OPCML: variants seen among roughly 807,000 people sequenced by gnomAD.
OPCML encodes opioid binding protein/cell adhesion molecule like.
OPCML carries 13 observed loss-of-function variants against 37.8 expected under a neutral mutation model. The observed-to-expected ratio is 0.34, with a 90% CI of 0.22 to 0.55. OPCML has a LOEUF of 0.55. Ranked by LOEUF, OPCML falls within the 20% of genes least tolerant of loss-of-function variation. The probability of loss-of-function intolerance (pLI) is 0.91; values close to 1 mark genes in which losing one functional copy is unlikely to be tolerated. For missense variants in OPCML, 341 were observed against 435.6 expected (o/e 0.78, Z 1.93); for synonymous variants, 176 against 168.8 (o/e 1.04, Z -0.33).
rs79240795 is a variant in OPCML, at chr11:132,632,617, C to T, written c.379+24470G>A. On this transcript the variant is annotated intron_variant, in intron 3 of 7. Transcript: ENST00000524381. ...CAGAGGAGTCGCTTCCTGAGTGGTT[C>T]CATGATAGCCAGCCCGGTATATCTA... is the stretch of plus-strand genomic sequence containing the variant. Among the ~76,000 whole-genome samples, 902 of 152,180 alleles carry T rather than the reference C, an allele frequency of 5.9e-3. 10 individuals carry two copies. The highest frequency in any genetic ancestry group is 0.02 in the African/African-American group (813 of 41,508).
intron 2 of OPCML, among the ~76,000 whole-genome samples, chr11:132,666,471 C>A (rs1363714243): frequency 6.6e-6 from 1 of 152,198 alleles, no homozygotes; most frequent in African/African-American, 2.4e-5. Context: ...CCAAGCCCCA[C>A]TCCAATCTTG....
chr11:133,156,305 C>A (rs1029071411), intron 1 of OPCML, among the ~76,000 whole-genome samples: 2 of 152,210 alleles, frequency 1.3e-5, no homozygotes, highest in Admixed American at 6.5e-5. Flanking sequence ...AAGATCCTAG[C>A]AGCCACCTGG....
chr11:133,242,309 G>C (rs1159162332), intron 1 of OPCML, among the ~76,000 whole-genome samples: 1 of 152,218 alleles, frequency 6.6e-6, no homozygotes, highest in Admixed American at 6.5e-5. Context: ...CGAGTTAAGT[G>C]TCTTTGGTGT....
At chr11:132,984,906 C>G (rs1565382160) in intron 1 of OPCML, among the ~76,000 whole-genome samples, 6 of 152,166 alleles carry the variant, frequency 3.9e-5, no homozygotes, top group Admixed American at 2.6e-4. Context: ...CCATGATTAA[C>G]AAATTCGCTC....
chr11:132,810,746 G>T (rs963399127), intron 2 of OPCML: 1 of 152,086 alleles, frequency 6.6e-6, no homozygotes, highest in African/African-American at 2.4e-5. Flanking sequence ...GAACTTAACG[G>T]CTGTACCTTC....
At chr11:132,554,557 C>T (rs1274088168) in intron 3 of OPCML, among the ~76,000 whole-genome samples, 6 of 152,188 alleles carry the variant, frequency 3.9e-5, no homozygotes, top group Non-Finnish European at 7.3e-5. Flanking sequence ...CCTGGATGAG[C>T]TTTGCTGAGG....
At chr11:132,687,101 C>T (rs1384834685) in intron 2 of OPCML, among the ~76,000 whole-genome samples, 1 of 151,854 alleles carries the variant, frequency 6.6e-6, no homozygotes, top group African/African-American at 2.4e-5. Context: ...AATGTAGGCA[C>T]TTGACAAACA....
intron 1 of OPCML, among the ~76,000 whole-genome samples, chr11:133,367,435 A>C (rs1944569432): frequency 6.6e-6 from 1 of 152,226 alleles, no homozygotes; most frequent in East Asian, 1.9e-4. Flanking sequence ...AATGGAATGG[A>C]AAAATGGTCC....
At chr11:132,562,556 C>T (rs2096412894) in intron 3 of OPCML, among the ~76,000 whole-genome samples, 1 of 152,144 alleles carries the variant, frequency 6.6e-6, no homozygotes, top group Non-Finnish European at 1.5e-5. Flanking sequence ...GCCAAAACTA[C>T]ATGCCTATGC....
At chr11:132,571,498 A>G (rs1436932783) in intron 3 of OPCML, among the ~76,000 whole-genome samples, 1 of 152,176 alleles carries the variant, frequency 6.6e-6, no homozygotes, top group African/African-American at 2.4e-5. Flanking sequence ...CTACTCAGAT[A>G]TCTCATATAA....
intron 4 of OPCML, among the ~76,000 whole-genome samples, chr11:132,512,072 C>G (rs563732941): frequency 6.6e-6 from 1 of 152,148 alleles, no homozygotes; most frequent in East Asian, 1.9e-4. Context: ...ACCACTACTT[C>G]ACAAAATTAG....
chr11:132,638,428 C>T lies in OPCML; in HGVS notation c.379+18659G>A, dbSNP rs149908597. Among the ~76,000 whole-genome samples, 685 of 152,124 alleles carry T rather than the reference C, an allele frequency of 4.5e-3. 7 individuals are homozygous for T. Among genetic ancestry groups the T allele is most frequent in the African/African-American group, 0.016 (655 of 41,500 alleles). On this transcript the variant is annotated intron_variant, in intron 3 of 7. Transcript: ENST00000524381. ...TAGTTTAACCTTAAAGCAAGGATGA[C>T]AATAGCCTTTCCCAAAACTAAACCA...
chr11:132,494,740 T>TA (rs1406188431), intron 4 of OPCML, among the ~76,000 whole-genome samples: 3 of 152,144 alleles, frequency 2.0e-5, no homozygotes, highest in African/African-American at 7.2e-5. Context: ...TAATATTTTT[T>TA]AAAAAACAAA....
At chr11:132,701,783 TGTG>T (rs1943829689) in intron 2 of OPCML, among the ~76,000 whole-genome samples, 3 of 150,484 alleles carry the variant, frequency 2.0e-5, no homozygotes, top group Non-Finnish European at 3.0e-5. Context: ...TGTGTGTGTG[TGTG>T]TGTGTGTGTG....
At chr11:132,777,205 A>T (rs1946837478) in intron 2 of OPCML, among the ~76,000 whole-genome samples, 1 of 152,194 alleles carries the variant, frequency 6.6e-6, no homozygotes. Flanking sequence ...TGTTCTAAGA[A>T]AAAGAGCCCC....
intron 1 of OPCML, among the ~76,000 whole-genome samples, chr11:133,086,199 T>C (rs1358901021): frequency 1.3e-5 from 2 of 152,230 alleles, no homozygotes; most frequent in Non-Finnish European, 2.9e-5. Flanking sequence ...GAACACATTT[T>C]CATTTTCTAA....
At chr11:133,302,755 G>A (rs1027443626) in intron 1 of OPCML, 3 of 152,040 alleles carry the variant, frequency 2.0e-5, no homozygotes, top group Non-Finnish European at 2.9e-5. Context: ...CCTATTCCTC[G>A]AGGTAACGTG....
chr11:132,600,330 G>A (rs983662445), intron 3 of OPCML, among the ~76,000 whole-genome samples: 3 of 152,160 alleles, frequency 2.0e-5, no homozygotes, highest in Non-Finnish European at 2.9e-5. Context: ...TTGCAAAGAC[G>A]AAGACTCTGT....
chr11:132,691,353 G>T (rs776528314), intron 2 of OPCML, among the ~76,000 whole-genome samples: 2 of 152,154 alleles, frequency 1.3e-5, no homozygotes, highest in Non-Finnish European at 2.9e-5. Flanking sequence ...TCTGAACTAG[G>T]TGAAGACTAG....
Sources: gnomAD v4.1 joint callset for allele counts (sites outside exome capture counted in the v4.1 genomes callset) on GRCh38, gnomAD v4.1.1 for gene constraint, MANE v1.5 for transcripts, NCBI Gene and HGNC (gene_info 2026-07-23, HGNC 2026-07-21) for gene names.